The following ANO3 variants were observed in gnomAD, a reference collection of about 807,000 sequenced individuals.
ANO3 encodes anoctamin 3.
In ANO3, 99 loss-of-function variants were observed where a neutral mutation model predicts 144.8. The ratio of observed to expected loss-of-function variants is 0.68; its 90% CI spans 0.58 to 0.81. The LOEUF (loss-of-function observed/expected upper bound fraction) is 0.81. ANO3 is among the 30% of genes least tolerant of loss of function. The pLI is 0.00. For synonymous variants in ANO3, 414 were observed against 392.6 expected (o/e 1.05, Z -0.64); for missense variants, 905 against 1,202.2 (o/e 0.75, Z 3.66).
In ANO3 at chr11:26,267,184, G is replaced by GCACGCA. The variant is rs1554931398; in HGVS notation, c.155-42458_155-42457insGCACAC. Among the ~76,000 whole-genome samples, 667 of 147,636 alleles carry GCACGCA rather than the reference G, an allele frequency of 4.5e-3. 3 individuals carry two copies. Among genetic ancestry groups the GCACGCA allele is most frequent in the African/African-American group, 0.016 (634 of 40,504 alleles). On this transcript the variant is annotated intron_variant, in intron 1 of 27. Transcript: ENST00000672621. ...ATGAGAAGGACCTTCACGCACGCAC[G>GCACGCA]CACACACACACACACACACCCCCAA...
intron 1 of ANO3, among the ~76,000 whole-genome samples, chr11:26,320,052 C>G (rs992229202): frequency 7.2e-5 from 11 of 152,134 alleles, no homozygotes; most frequent in Non-Finnish European, 1.6e-4. Flanking sequence ...CAAATCAGAG[C>G]TTCCAGTGAA....
At position 26,441,950 on chromosome 11, in the gene ANO3, G is replaced by T. The variant is rs1242934915; in HGVS notation, c.79G>T (p.Glu27Ter). The T allele has an allele frequency of 1.9e-6, 3 of 1,613,550 alleles. No individual in the cohort carries two copies. The highest frequency in any genetic ancestry group is 1.7e-5 in the Admixed American group (1 of 59,898). The change falls in exon 2 of 27, where the codon GAA (glutamate) becomes TAA (stop). Residue 27 changes from glutamate to a stop codon, truncating the protein, a stop_gained. Coordinates refer to ENST00000256737, the MANE Select transcript of ANO3 (RefSeq NM_031418.4). LOFTEE classifies it high-confidence loss of function. ...MNISKSEITK[E>*]TSLKPSRRSL... is the part of the protein sequence containing the mutation. ...TATAAGCAAGAGTGAGATAACAAAA[G>T]AAACTTCGTTAAAACCGTCTCGGAG...
At chr11:26,636,515 G>C (rs1270745034) in intron 20 of ANO3, among the ~76,000 whole-genome samples, 1 of 152,164 alleles carries the variant, frequency 6.6e-6, no homozygotes, top group Non-Finnish European at 1.5e-5. Context: ...AGTGCTCTCT[G>C]TATATTAATG....
At chr11:26,231,877 C>T (rs1433577053) in intron 1 of ANO3, among the ~76,000 whole-genome samples, 3 of 152,124 alleles carry the variant, frequency 2.0e-5, no homozygotes, top group Admixed American at 1.3e-4. Context: ...TTAAAGTGTG[C>T]TTCTGCCATT....
chr11:26,582,911 A>G (rs894867219), intron 14 of ANO3, among the ~76,000 whole-genome samples: 2 of 152,190 alleles, frequency 1.3e-5, no homozygotes, highest in Admixed American at 1.3e-4. Context: ...GGATGGTAAG[A>G]TGAGGAAAAG....
At chr11:26,202,657 A>C (rs1432926567) in intron 1 of ANO3, among the ~76,000 whole-genome samples, 1 of 151,778 alleles carries the variant, frequency 6.6e-6, no homozygotes. Context: ...TAAAGGGGAA[A>C]ATGAAGTCCA....
intron 1 of ANO3, among the ~76,000 whole-genome samples, chr11:26,399,112 C>T (rs1161401269): frequency 6.6e-6 from 1 of 151,908 alleles, no homozygotes; most frequent in African/African-American, 2.4e-5. Flanking sequence ...CTCAAACTGG[C>T]TCGAAATCTG....
intron 4 of ANO3, among the ~76,000 whole-genome samples, chr11:26,496,849 T>A (rs293951): frequency 1 from 151,661 of 152,110 alleles, 75,609 homozygotes; most frequent in Middle Eastern, 1. Context: ...TGTAAAAGAC[T>A]TGCTTTTATC....
intron 1 of ANO3, among the ~76,000 whole-genome samples, chr11:26,313,751 T>G (rs573997208): frequency 4.2e-4 from 64 of 151,920 alleles, no homozygotes; most frequent in African/African-American, 1.3e-3. Context: ...AAATGTAGAT[T>G]ATGTGTAAGT....
chr11:26,252,532 A>T (rs777404015), intron 1 of ANO3, among the ~76,000 whole-genome samples: 5 of 152,156 alleles, frequency 3.3e-5, no homozygotes, highest in African/African-American at 4.8e-5. Context: ...CCTCCTGTAG[A>T]AAAGTCCCTC....
chr11:26,268,429 C>T (rs954165748), intron 1 of ANO3, among the ~76,000 whole-genome samples: 19 of 152,020 alleles, frequency 1.2e-4, no homozygotes, highest in African/African-American at 3.4e-4. Flanking sequence ...TACAGCCCCT[C>T]GGGGGTTTGA....
At chr11:26,300,088 A>G (rs574491370) in intron 1 of ANO3, among the ~76,000 whole-genome samples, 2 of 152,242 alleles carry the variant, frequency 1.3e-5, no homozygotes, top group South Asian at 4.1e-4. Context: ...ATGTGGGGTT[A>G]TTATCAGGAA....
chr11:26,443,509 C>A (rs927623357), intron 2 of ANO3, among the ~76,000 whole-genome samples: 1 of 151,992 alleles, frequency 6.6e-6, no homozygotes, highest in African/African-American at 2.4e-5. Context: ...GGCTGAGGCA[C>A]GAGAATCGCT....
At chr11:26,498,567 AATT>A (rs1456619777) in intron 4 of ANO3, among the ~76,000 whole-genome samples, 6 of 150,026 alleles carry the variant, frequency 4.0e-5, no homozygotes, top group African/African-American at 1.5e-4. Context: ...ATAATAATAT[AATT>A]ATTATGCATA....
chr11:26,280,903 A>T (rs1317040207), intron 1 of ANO3, among the ~76,000 whole-genome samples: 1 of 152,184 alleles, frequency 6.6e-6, no homozygotes, highest in Non-Finnish European at 1.5e-5. Flanking sequence ...TAGCACAGCA[A>T]TTGGGAAGCT....
chr11:26,464,824 A>T (rs989801341), intron 4 of ANO3, among the ~76,000 whole-genome samples: 1 of 151,830 alleles, frequency 6.6e-6, no homozygotes, highest in Non-Finnish European at 1.5e-5. Flanking sequence ...CACCGGAGTG[A>T]CTTGTTCTTC....
intron 18 of ANO3, among the ~76,000 whole-genome samples, chr11:26,630,350 C>T (rs548498632): frequency 4.6e-5 from 7 of 152,226 alleles, no homozygotes; most frequent in African/African-American, 1.2e-4. Flanking sequence ...GAGTACTTTA[C>T]ATCTTCAGTT....
At chr11:26,541,278 C>T (rs991434219) in intron 10 of ANO3, among the ~76,000 whole-genome samples, 4 of 151,990 alleles carry the variant, frequency 2.6e-5, no homozygotes. Flanking sequence ...GGGAACATCA[C>T]ACAATGGGGC....
At chr11:26,512,476 GGCCA>G (rs1287057847) in intron 5 of ANO3, among the ~76,000 whole-genome samples, 1 of 152,050 alleles carries the variant, frequency 6.6e-6, no homozygotes. Context: ...CCAGCCCCCT[GGCCA>G]GTAACTGCAA....
Sources: gnomAD v4.1 joint callset for allele counts (sites outside exome capture counted in the v4.1 genomes callset) on GRCh38, gnomAD v4.1.1 for gene constraint, MANE v1.5 for transcripts, NCBI Gene and HGNC (gene_info 2026-07-23, HGNC 2026-07-21) for gene names.